The following CHM variants were observed in gnomAD, a reference collection of about 807,000 sequenced individuals.
CHM encodes the protein CHM Rab escort protein.
A neutral mutation model predicts 49.0 loss-of-function variants in CHM; 10 were observed. The ratio of observed to expected loss-of-function variants is 0.20; its 90% CI spans 0.13 to 0.35. The LOEUF (loss-of-function observed/expected upper bound fraction) is 0.35. Among genes scored for constraint, CHM ranks in the 10% least tolerant of loss-of-function variants. CHM has a pLI of 1.00. For synonymous variants in CHM, 184 were observed against 167.5 expected (o/e 1.10, Z -0.76); for missense variants, 455 against 478.4 (o/e 0.95, Z 0.46).
intron 5 of CHM, among the ~76,000 whole-genome samples, chrX:85,963,016 A>G (rs986792396): frequency 3.6e-5 from 4 of 111,559 alleles, no homozygotes; most frequent in Non-Finnish European, 7.5e-5. Flanking sequence ...TTCTTAAATT[A>G]TACTTTAAGT....
chrX:86,042,710 C>A (rs185025748), intron 1 of CHM, among the ~76,000 whole-genome samples: 8 of 110,140 alleles, frequency 7.3e-5, no homozygotes, highest in African/African-American at 2.6e-4. Context: ...GTAATCTCAG[C>A]TACTCAGGAG....
chrX:85,973,308 A>C (rs1931065629), intron 4 of CHM, among the ~76,000 whole-genome samples: 1 of 96,194 alleles, frequency 1.0e-5, no homozygotes, highest in Non-Finnish European at 2.0e-5. Flanking sequence ...GACAAAAAAA[A>C]AAAAAAAAAA....
intron 1 of CHM, among the ~76,000 whole-genome samples, chrX:86,037,486 C>T (rs1934298213): frequency 9.0e-6 from 1 of 111,383 alleles, no homozygotes; most frequent in Non-Finnish European, 1.9e-5. Flanking sequence ...GATCTTTTCA[C>T]AGCAAAGTAT....
Position 85,863,666 on chromosome X carries a change from T to C in CHM, c.*964A>G, listed in dbSNP as rs1214304944. 4.5e-5 allele frequency: 5 copies of C among 112,292 alleles called. No individual in the cohort carries two copies. The allele number at this position is 112,292 out of a possible 1,213,427, so 9.3% of individuals were successfully genotyped here. The stretch of plus-strand genomic sequence containing the variant: ...TGACAGCAAGCAATTATTTCCTGCG[T>C]GAGACTTTTGAGATTCATCAAGTCA... On this transcript the variant is annotated 3_prime_UTR_variant, in exon 15 of 15. Transcript: ENST00000357749.
chrX:85,878,168 T>C (rs983128727), intron 13 of CHM, among the ~76,000 whole-genome samples: 3 of 111,924 alleles, frequency 2.7e-5, no homozygotes, highest in African/African-American at 9.7e-5. Context: ...ATTAAATCAC[T>C]AGCACACTAT....
intron 8 of CHM, among the ~76,000 whole-genome samples, chrX:85,921,895 T>C (rs1341594667): frequency 8.9e-6 from 1 of 112,119 alleles, no homozygotes; most frequent in African/African-American, 3.2e-5. Flanking sequence ...TGTAGGGAAA[T>C]CTAAATGCAT....
intron 8 of CHM, among the ~76,000 whole-genome samples, chrX:85,948,089 A>G (rs1434909135): frequency 9.8e-5 from 11 of 111,751 alleles, no homozygotes; most frequent in African/African-American, 3.3e-4. Context: ...TAAAAAAAAA[A>G]TGTGAAGTTT....
At chrX:85,919,971 C>T (rs1428723804) in intron 8 of CHM, among the ~76,000 whole-genome samples, 2 of 111,401 alleles carry the variant, frequency 1.8e-5, no homozygotes, top group Non-Finnish European at 3.8e-5. Context: ...ATAAAGACTC[C>T]TCTGTATGCT....
At chrX:85,958,087 C>A in intron 6 of CHM, 112 bp from the exon 7 acceptor site, 1 of 924,548 alleles carries the variant, frequency 1.1e-6, no homozygotes, top group Non-Finnish European at 1.5e-6. Flanking sequence ...CCACTCTAGC[C>A]AGGCTTTTTC....
intron 4 of CHM, among the ~76,000 whole-genome samples, chrX:85,977,684 A>T (rs1931353948): frequency 8.9e-6 from 1 of 112,270 alleles, no homozygotes; most frequent in African/African-American, 3.2e-5. Context: ...AGTTGAAATC[A>T]TCTTCCGTTT....
At chrX:85,896,132 C>A (rs1603242526) in intron 11 of CHM, among the ~76,000 whole-genome samples, 1 of 89,186 alleles carries the variant, frequency 1.1e-5, no homozygotes, top group Admixed American at 1.4e-4. Flanking sequence ...ATCTATACTG[C>A]ACAACTCAAA....
intron 2 of CHM, among the ~76,000 whole-genome samples, chrX:86,000,513 CAAAAAAA>C (rs754600557): frequency 5.1e-5 from 3 of 58,891 alleles, no homozygotes; most frequent in South Asian, 1.2e-3. Context: ...GGAATATATT[CAAAAAAA>C]AAAAAAAAAA....
chrX:86,040,214 T>C (rs1349380483), intron 1 of CHM, among the ~76,000 whole-genome samples: 1 of 112,066 alleles, frequency 8.9e-6, no homozygotes, highest in Non-Finnish European at 1.9e-5. Flanking sequence ...CTTCAGGGGT[T>C]GCAGGCACCA....
intron 11 of CHM, among the ~76,000 whole-genome samples, chrX:85,895,301 A>ATT (rs762567120): frequency 1.5e-4 from 14 of 96,267 alleles, no homozygotes; most frequent in African/African-American, 1.9e-4. Context: ...ACACCTGGCT[A>ATT]TTTTTTTTTT....
At chrX:85,874,461 T>C (rs1229226444) in intron 13 of CHM, among the ~76,000 whole-genome samples, 2 of 111,865 alleles carry the variant, frequency 1.8e-5, no homozygotes, top group East Asian at 5.6e-4. Flanking sequence ...ATTACTATTA[T>C]TTAATTGGTA....
At chrX:85,906,005 T>C (rs1305979867) in intron 9 of CHM, among the ~76,000 whole-genome samples, 1 of 112,130 alleles carries the variant, frequency 8.9e-6, no homozygotes. Context: ...CCCAGTAGAC[T>C]GTAAGTTCCT....
At chrX:85,875,091 T>C (rs61035860) in intron 13 of CHM, among the ~76,000 whole-genome samples, 3,300 of 111,578 alleles carry the variant, frequency 0.03, 103 homozygotes, top group African/African-American at 0.1. Context: ...ACTAATTTCA[T>C]AGACGTTGCG....
Position 85,957,941 on chromosome X carries a change from T to C in CHM, c.854A>G (p.Lys285Arg), listed in dbSNP as rs774221579. Reference sequence around the variant, plus strand: ...TCGCTTTTCTACCATAGTAAGTTGTTTGCTATTAAAGACATCTGCTCTGGA... The same window carrying C: ...TCGCTTTTCTACCATAGTAAGTTGTCTGCTATTAAAGACATCTGCTCTGGA... Reference protein sequence around the residue: ...PCSRADVFNSKQLTMVEKRML... With the variant: ...PCSRADVFNSRQLTMVEKRML... The change falls in exon 7 of 15, where the codon AAA (lysine) becomes AGA (arginine). Residue 285 changes from lysine to arginine, a missense_variant. Coordinates refer to ENST00000357749, the MANE Select transcript of CHM (RefSeq NM_000390.4). 3.3e-6 allele frequency: 4 copies of C among 1,209,560 alleles called. No homozygotes were observed. The highest frequency in any genetic ancestry group is 3.4e-6 in the Non-Finnish European group (3 of 894,782).
At chrX:85,981,925 T>C (rs1931643943) in intron 2 of CHM, 116 bp from the exon 3 acceptor site, 1 of 593,112 alleles carries the variant, frequency 1.7e-6, no homozygotes, top group Non-Finnish European at 2.6e-6. Flanking sequence ...TTAATATTAC[T>C]GCCTCAAGAG....
Sources: gnomAD v4.1 joint callset for allele counts (sites outside exome capture counted in the v4.1 genomes callset) on GRCh38, gnomAD v4.1.1 for gene constraint, MANE v1.5 for transcripts, NCBI Gene and HGNC (gene_info 2026-07-23, HGNC 2026-07-21) for gene names.